SPTBN1: variants seen among roughly 807,000 people sequenced by gnomAD.
SPTBN1 encodes spectrin beta, non-erythrocytic 1.
In SPTBN1, 32 loss-of-function variants were observed where a neutral mutation model predicts 266.4. That is an observed-to-expected ratio of 0.12 (90% CI 0.09 to 0.16). The LOEUF is 0.16. SPTBN1 is among the 10% of genes least tolerant of loss of function. The pLI, the probability that SPTBN1 is intolerant of heterozygous loss-of-function variation, is 1.00. For synonymous variants in SPTBN1, 1,336 were observed against 1,162.2 expected (o/e 1.15, Z -3.04); for missense variants, 2,296 against 3,067.1 (o/e 0.75, Z 5.94).
chr2:54,601,228 A>G (rs1422060129), intron 3 of SPTBN1, among the ~76,000 whole-genome samples: 1 of 152,124 alleles, frequency 6.6e-6, no homozygotes, highest in Non-Finnish European at 1.5e-5. Flanking sequence ...CATTTGTATT[A>G]CCCATTCTTC....
chr2:54,654,852 T>C lies in SPTBN1; in HGVS notation c.5823-218T>C, dbSNP rs142079355. On this transcript the variant is annotated intron_variant, in intron 27 of 35. Coordinates refer to ENST00000356805, the MANE Select transcript of SPTBN1 (RefSeq NM_003128.3). ...ACACACACAAAAACAAAAGCAGCCA[T>C]ATTCTACAGTTTGGTTACCTGGCTG... 2.5e-3 allele frequency among the ~76,000 whole-genome samples: 385 copies of C among 152,332 alleles called. 4 individuals carry two copies. Among genetic ancestry groups the C allele is most frequent in the African/African-American group, 8.9e-3 (368 of 41,566 alleles).
intron 7 of SPTBN1, 44 bp from the exon 8 acceptor site, chr2:54,621,356 C>T (rs758118721): frequency 6.7e-7 from 1 of 1,483,844 alleles, no homozygotes; most frequent in Non-Finnish European, 9.4e-7. Context: ...GGGTGGGGCA[C>T]AGTAGCATGC....
intron 2 of SPTBN1, among the ~76,000 whole-genome samples, chr2:54,553,584 A>G (rs1672699490): frequency 6.6e-6 from 1 of 152,264 alleles, no homozygotes; most frequent in Non-Finnish European, 1.5e-5. Flanking sequence ...GAAGAATGAA[A>G]GACAGATGTG....
chr2:54,547,717 G>A (rs1414815132), intron 2 of SPTBN1, among the ~76,000 whole-genome samples: 1 of 151,660 alleles, frequency 6.6e-6, no homozygotes, highest in Non-Finnish European at 1.5e-5. Flanking sequence ...AAAGGGTAAT[G>A]GTGATTAAGG....
intron 1 of SPTBN1, among the ~76,000 whole-genome samples, chr2:54,487,730 C>T (rs942710853): frequency 6.7e-6 from 1 of 149,668 alleles, no homozygotes; most frequent in Non-Finnish European, 1.5e-5. Context: ...GTCGCAGTAT[C>T]TTTTATGAAA....
chr2:54,514,711 C>A (rs1485695530), intron 1 of SPTBN1, among the ~76,000 whole-genome samples: 1 of 152,124 alleles, frequency 6.6e-6, no homozygotes, highest in Non-Finnish European at 1.5e-5. Flanking sequence ...CTTCATCTTT[C>A]TGTCTTCTGA....
chr2:54,562,886 T>C (rs1407258130), intron 2 of SPTBN1, among the ~76,000 whole-genome samples: 2 of 152,196 alleles, frequency 1.3e-5, no homozygotes, highest in Non-Finnish European at 2.9e-5. Context: ...TTAAATACTA[T>C]GCCTGCATTC....
chr2:54,665,094 G>A (rs148440596), intron 33 of SPTBN1, among the ~76,000 whole-genome samples: 1 of 152,160 alleles, frequency 6.6e-6, no homozygotes, highest in African/African-American at 2.4e-5. Flanking sequence ...TCTCTCAACA[G>A]CCCCAATTTT....
At chr2:54,595,232 C>CT (rs1291592459) in intron 2 of SPTBN1, among the ~76,000 whole-genome samples, 4 of 152,194 alleles carry the variant, frequency 2.6e-5, no homozygotes, top group African/African-American at 9.7e-5. Flanking sequence ...TTGATGTGCA[C>CT]TTTACCTCCT....
intron 19 of SPTBN1, 80 bp downstream of exon 19, chr2:54,643,209 C>T: frequency 1.3e-6 from 2 of 1,570,632 alleles, no homozygotes; most frequent in Non-Finnish European, 1.7e-6. Context: ...AGCACATTTT[C>T]CAGCATATCT....
chr2:54,491,033 C>T (rs749312362), intron 1 of SPTBN1, among the ~76,000 whole-genome samples: 2 of 152,064 alleles, frequency 1.3e-5, no homozygotes, highest in Non-Finnish European at 2.9e-5. Context: ...CTTCAAAGCT[C>T]GTTTGAGCTC....
chr2:54,621,599 A>C, intron 8 of SPTBN1, 87 bp downstream of exon 8: 1 of 1,077,192 alleles, frequency 9.3e-7, no homozygotes. Flanking sequence ...AAATTTGCCA[A>C]TAGCAATTTG....
chr2:54,604,228 G>T (rs1198588831), intron 3 of SPTBN1, among the ~76,000 whole-genome samples: 2 of 152,122 alleles, frequency 1.3e-5, no homozygotes, highest in Non-Finnish European at 1.5e-5. Flanking sequence ...AAGGGGCAGG[G>T]AGTACAGGGT....
chr2:54,477,495 T>C (rs1444680857), intron 1 of SPTBN1, among the ~76,000 whole-genome samples: 1 of 152,154 alleles, frequency 6.6e-6, no homozygotes, highest in Non-Finnish European at 1.5e-5. Flanking sequence ...TTTTGTTTGC[T>C]TTTTTCCTTT....
intron 28 of SPTBN1, among the ~76,000 whole-genome samples, chr2:54,655,708 G>A (rs903404379): frequency 3.3e-5 from 5 of 152,240 alleles, no homozygotes; most frequent in Non-Finnish European, 5.9e-5. Context: ...CAGGGCTTCC[G>A]CGCCTTCCTC....
chr2:54,491,404 G>C (rs985119154), intron 1 of SPTBN1, among the ~76,000 whole-genome samples: 1 of 152,164 alleles, frequency 6.6e-6, no homozygotes. Flanking sequence ...TGTTGTGGTT[G>C]ACATTCTTGA....
chr2:54,595,601 C>T (rs937929522), intron 2 of SPTBN1, among the ~76,000 whole-genome samples: 8 of 152,230 alleles, frequency 5.3e-5, no homozygotes, highest in East Asian at 1.9e-4. Flanking sequence ...TTGCAAAGGG[C>T]GTGCCCTTGG....
intron 5 of SPTBN1, 32 bp downstream of exon 5, chr2:54,616,330 CT>C (rs1342177329): frequency 6.3e-7 from 1 of 1,593,758 alleles, no homozygotes; most frequent in East Asian, 2.2e-5. Context: ...ATTGGGGCTG[CT>C]TCTTCCAGGA....
At chr2:54,465,070 A>G (rs1693559754) in intron 1 of SPTBN1, among the ~76,000 whole-genome samples, 2 of 152,224 alleles carry the variant, frequency 1.3e-5, no homozygotes, top group Non-Finnish European at 2.9e-5. Context: ...AGAAAAAAGT[A>G]AATCTGTCCA....
Sources: gnomAD v4.1 joint callset for allele counts (sites outside exome capture counted in the v4.1 genomes callset) on GRCh38, gnomAD v4.1.1 for gene constraint, MANE v1.5 for transcripts, NCBI Gene and HGNC (gene_info 2026-07-23, HGNC 2026-07-21) for gene names.